Variants in ANKRD44 observed in about 807,000 individuals in gnomAD.
ANKRD44 encodes the protein ankyrin repeat domain 44, also known as serine/threonine-protein phosphatase 6 regulatory ankyrin repeat subunit B.
A neutral mutation model predicts 116.0 loss-of-function variants in ANKRD44; 35 were observed. The observed-to-expected ratio is 0.30, with a 90% CI of 0.23 to 0.40. The LOEUF is 0.40. Ranked by LOEUF, ANKRD44 falls within the 10% of genes least tolerant of loss-of-function variation. ANKRD44 has a pLI of 1.00. For missense variants in ANKRD44, 1,014 were observed against 1,242.6 expected, an observed-to-expected ratio of 0.82 and a Z score of 2.77; for synonymous variants, 435 against 461.8, an observed-to-expected ratio of 0.94 and a Z score of 0.74.
chr2:197,206,465 C>T (rs1051127828), intron 1 of ANKRD44, among the ~76,000 whole-genome samples: 2 of 152,172 alleles, frequency 1.3e-5, no homozygotes, highest in African/African-American at 2.4e-5. Context: ...GGGCGGATCA[C>T]CTGAGGTCAG....
At chr2:197,234,035 A>C (rs541828859) in intron 1 of ANKRD44, among the ~76,000 whole-genome samples, 7 of 152,322 alleles carry the variant, frequency 4.6e-5, no homozygotes, top group African/African-American at 1.7e-4. Context: ...AAAAAACTTA[A>C]ATAAATTTTT....
intron 6 of ANKRD44, 135 bp downstream of exon 6, chr2:197,125,246 A>G (rs1167685498): frequency 1.3e-6 from 1 of 798,062 alleles, no homozygotes; most frequent in African/African-American, 1.7e-5. Context: ...AGTAAAACCA[A>G]CCAAATCTTC....
In ANKRD44 at chr2:197,121,560, A is replaced by G; in HGVS notation, c.694-16T>C. 6.2e-7 allele frequency: 1 copy of G among 1,609,262 alleles called. No homozygotes were observed. The highest frequency in any genetic ancestry group is 8.5e-7 in the Non-Finnish European group (1 of 1,176,302). ...TTTCATCAATCTGCAAAAGAGTCCA[A>G]CACAGGGTGATTAAAGTCATTAGAG... On this transcript the variant is annotated splice_polypyrimidine_tract_variant and intron_variant, in intron 7 of 27. Coordinates refer to ENST00000282272, the MANE Select transcript of ANKRD44 (RefSeq NM_001195144.2).
At chr2:197,024,660 C>A (rs539877411) in intron 17 of ANKRD44, among the ~76,000 whole-genome samples, 1 of 152,322 alleles carries the variant, frequency 6.6e-6, no homozygotes, top group South Asian at 2.1e-4. Flanking sequence ...CAGATCTCAC[C>A]CAGTACAAGA....
At chr2:197,089,796 T>C (rs770408330) in intron 11 of ANKRD44, among the ~76,000 whole-genome samples, 154 bp downstream of exon 11, 8 of 152,182 alleles carry the variant, frequency 5.3e-5, no homozygotes, top group Non-Finnish European at 1.2e-4. Context: ...TGTTGGGAGC[T>C]GTCACATGCA....
intron 16 of ANKRD44, among the ~76,000 whole-genome samples, chr2:197,077,496 A>T (rs1024919239): frequency 1.3e-5 from 2 of 152,150 alleles, no homozygotes; most frequent in African/African-American, 4.8e-5. Flanking sequence ...GATTGTTTTC[A>T]GGGTTGTGTT....
At position 196,993,528 on chromosome 2, in the gene ANKRD44, G is replaced by T. The variant is rs1307526358; in HGVS notation, c.2923+55C>A. ...GCTCCTATCTTTCTCATTTCCTCTG[G>T]CTTCAACTAGCTTATGGAAGGTACC... On this transcript the variant is annotated intron_variant, in intron 27 of 27. Coordinates refer to ENST00000282272, the MANE Select transcript of ANKRD44 (RefSeq NM_001195144.2). 5 of 1,380,220 alleles carry T rather than the reference G, an allele frequency of 3.6e-6. 1 individual carries two copies. The Admixed American group carries it at 9.9e-5, about 27-fold the overall frequency. 85.5% of individuals were successfully genotyped at this position (1,380,220 alleles called of 1,614,324 possible).
At chr2:197,115,613 A>G (rs1378947371) in intron 8 of ANKRD44, among the ~76,000 whole-genome samples, 2 of 152,216 alleles carry the variant, frequency 1.3e-5, no homozygotes, top group Admixed American at 6.5e-5. Context: ...GAATAGAGGA[A>G]AACAAAGTGA....
At chr2:197,303,595 G>A (rs762117901) in intron 1 of ANKRD44, among the ~76,000 whole-genome samples, 1 of 152,170 alleles carries the variant, frequency 6.6e-6, no homozygotes, top group Non-Finnish European at 1.5e-5. Flanking sequence ...TTTCTTAGGG[G>A]AAAATGGTCT....
intron 16 of ANKRD44, chr2:197,078,012 C>T (rs1054141150): frequency 3.3e-5 from 5 of 151,696 alleles, no homozygotes; most frequent in South Asian, 4.2e-4. Flanking sequence ...ATATTGCATG[C>T]GATATGTTAT....
chr2:196,974,274 G>A (rs1245887251), intron 21 of ANKRD44, among the ~76,000 whole-genome samples: 1 of 151,854 alleles, frequency 6.6e-6, no homozygotes, highest in Non-Finnish European at 1.5e-5. Context: ...GTAGAGACGG[G>A]GTTTTGCCAT....
intron 1 of ANKRD44, among the ~76,000 whole-genome samples, chr2:197,284,254 G>A (rs1217652940): frequency 2.0e-5 from 3 of 152,036 alleles, no homozygotes; most frequent in Admixed American, 6.6e-5. Context: ...GGTCACTCCC[G>A]CCTCTGGCAG....
intron 1 of ANKRD44, among the ~76,000 whole-genome samples, chr2:197,308,994 G>T (rs188914722): frequency 3.9e-5 from 6 of 152,312 alleles, no homozygotes; most frequent in African/African-American, 1.2e-4. Context: ...TTGTCATTTA[G>T]AAAATGAAGG....
At chr2:197,135,361 G>A (rs2079192117) in intron 4 of ANKRD44, 1 of 152,116 alleles carries the variant, frequency 6.6e-6, no homozygotes, top group African/African-American at 2.4e-5. Flanking sequence ...TGCATGCAAG[G>A]TTTGAACCTC....
intron 2 of ANKRD44, among the ~76,000 whole-genome samples, chr2:197,184,623 G>T (rs1438491441): frequency 7.5e-6 from 1 of 133,698 alleles, no homozygotes; most frequent in Non-Finnish European, 1.6e-5. Context: ...CTGGGCAGCT[G>T]AGCGAGACTC....
At chr2:197,305,524 T>C (rs941884847) in intron 1 of ANKRD44, among the ~76,000 whole-genome samples, 1 of 152,266 alleles carries the variant, frequency 6.6e-6, no homozygotes, top group African/African-American at 2.4e-5. Context: ...TTTCTGTTTC[T>C]GGTACAAACA....
chr2:197,186,463 T>G (rs562086062), intron 2 of ANKRD44, among the ~76,000 whole-genome samples: 35 of 152,150 alleles, frequency 2.3e-4, no homozygotes, highest in African/African-American at 8.4e-4. Flanking sequence ...TATCTGGTTA[T>G]TTAACCAGAT....
chr2:197,309,009 G>A (rs1423592364), intron 1 of ANKRD44, among the ~76,000 whole-genome samples: 2 of 152,176 alleles, frequency 1.3e-5, no homozygotes, highest in East Asian at 3.9e-4. Context: ...TGAAGGGTTT[G>A]GGCTAGATCA....
At chr2:197,080,642 G>A (rs1243308502) in intron 15 of ANKRD44, among the ~76,000 whole-genome samples, 1 of 152,146 alleles carries the variant, frequency 6.6e-6, no homozygotes, top group African/African-American at 2.4e-5. Context: ...TTTATTCACT[G>A]CTGCATTTCC....
Sources: gnomAD v4.1 joint callset for allele counts (sites outside exome capture counted in the v4.1 genomes callset) on GRCh38, gnomAD v4.1.1 for gene constraint, MANE v1.5 for transcripts, NCBI Gene and HGNC (gene_info 2026-07-23, HGNC 2026-07-21) for gene names.